The following FAM174A variants were observed in gnomAD, a reference collection of about 807,000 sequenced individuals.
FAM174A encodes the protein family with sequence similarity 174 member A, also known as membrane protein FAM174A.
In FAM174A, 14 loss-of-function variants were observed where a neutral mutation model predicts 14.3. The observed-to-expected ratio is 0.98, with a 90% confidence interval of 0.65 to 1.53. FAM174A has a LOEUF of 1.53. Ranked by LOEUF, FAM174A falls within the 40% of genes most tolerant of loss-of-function variation. The pLI is 0.00. For synonymous variants in FAM174A, 108 were observed against 111.4 expected, an observed-to-expected ratio of 0.97 and a Z score of 0.19; for missense variants, 241 against 249.6, an observed-to-expected ratio of 0.97 and a Z score of 0.23.
intron 1 of FAM174A, among the ~76,000 whole-genome samples, chr5:100,553,308 G>A (rs945950114): frequency 6.6e-6 from 1 of 151,974 alleles, no homozygotes; most frequent in African/African-American, 2.4e-5. Context: ...CTTAATGTTT[G>A]TTAGTATTTT....
intron 1 of FAM174A, among the ~76,000 whole-genome samples, chr5:100,559,744 T>C (rs1746484208): frequency 6.6e-6 from 1 of 152,174 alleles, no homozygotes; most frequent in African/African-American, 2.4e-5. Flanking sequence ...TCGCATTGGC[T>C]ACTGAGGCTT....
chr5:100,581,675 G>A (rs956712684), intron 2 of FAM174A, among the ~76,000 whole-genome samples: 3 of 152,126 alleles, frequency 2.0e-5, no homozygotes, highest in African/African-American at 7.2e-5. Flanking sequence ...TATTACATTT[G>A]GTCGTGGTTG....
At chr5:100,564,655 A>T (rs1364216099) in intron 2 of FAM174A, among the ~76,000 whole-genome samples, 1 of 151,830 alleles carries the variant, frequency 6.6e-6, no homozygotes, top group African/African-American at 2.4e-5. Flanking sequence ...AGCAAAAAAG[A>T]AAAGGCTCAA....
At chr5:100,541,840 C>T (rs868419388) in intron 1 of FAM174A, among the ~76,000 whole-genome samples, 1 of 152,106 alleles carries the variant, frequency 6.6e-6, no homozygotes, top group East Asian at 1.9e-4. Flanking sequence ...ATATTTTCCC[C>T]TTTTCTGTAG....
chr5:100,573,176 C>T (rs986048607), intron 2 of FAM174A, among the ~76,000 whole-genome samples: 17 of 151,924 alleles, frequency 1.1e-4, no homozygotes, highest in Admixed American at 1.3e-4. Context: ...GAGTAGGTTG[C>T]GAAAATTTTC....
At position 100,569,854 on chromosome 5, in the gene FAM174A, C is replaced by A. The variant is rs144500349; in HGVS notation, c.569+7666C>A. On this transcript the variant is annotated intron_variant, in intron 2 of 2. Coordinates refer to ENST00000312637, the MANE Select transcript of FAM174A (RefSeq NM_198507.3). ...TATATGGAGATATATATATATATAT[C>A]TCCACAGTGCAGAATGAAGGAGTCT... Among the ~76,000 whole-genome samples the A allele has an allele frequency of 3.8e-3, 578 of 151,352 alleles. 3 individuals carry two copies. The highest frequency in any genetic ancestry group is 0.013 in the African/African-American group (541 of 41,204).
At position 100,535,814 on chromosome 5, in the gene FAM174A, A is replaced by G. The variant is rs139597477; in HGVS notation, c.284A>G (p.Asp95Gly). Residue 95 changes from aspartate to glycine, a missense_variant, in exon 1 of 3, where the codon GAT becomes GGT. By Grantham distance (94) the Asp-to-Gly change is moderately conservative. Transcript: ENST00000312637. Reference protein sequence around the residue: ...SNPVAGLETDDHGGKAGEGSV... With the variant: ...SNPVAGLETDGHGGKAGEGSV... The stretch of plus-strand genomic sequence containing the variant: ...CCTGTGGCCGGGCTTGAGACGGACG[A>G]TCACGGAGGGAAGGCCGGGGAAGGC... 3.0e-3 allele frequency: 4,761 copies of G among 1,610,408 alleles called. 101 individuals carry two copies. The African/African-American group carries it at 0.047, about 16-fold the overall frequency.
chr5:100,554,612 T>C (rs1456433758), intron 1 of FAM174A, among the ~76,000 whole-genome samples: 1 of 151,376 alleles, frequency 6.6e-6, no homozygotes, highest in Non-Finnish European at 1.5e-5. Context: ...GCCTGGACTA[T>C]TTTTCTATTT....
chr5:100,559,505 TCC>T (rs1432150019), intron 1 of FAM174A, among the ~76,000 whole-genome samples: 1 of 151,168 alleles, frequency 6.6e-6, no homozygotes, highest in East Asian at 2.0e-4. Context: ...AACTTCCCTA[TCC>T]AGGGAAGTTC....
chr5:100,554,870 C>T (rs565154757), intron 1 of FAM174A, among the ~76,000 whole-genome samples: 1 of 152,036 alleles, frequency 6.6e-6, no homozygotes, highest in Admixed American at 6.6e-5. Context: ...CAGAGTGTGT[C>T]CTACAGAGCA....
chr5:100,581,617 G>A (rs1368235867), intron 2 of FAM174A, among the ~76,000 whole-genome samples: 2 of 152,166 alleles, frequency 1.3e-5, no homozygotes, highest in East Asian at 3.9e-4. Context: ...TTCTTGATAA[G>A]TTAAAAATAA....
intron 1 of FAM174A, among the ~76,000 whole-genome samples, chr5:100,546,622 T>C (rs991360343): frequency 1.3e-5 from 2 of 152,184 alleles, no homozygotes; most frequent in African/African-American, 4.8e-5. Context: ...GTAAAACAAA[T>C]TTCTATTGAG....
At position 100,584,965 on chromosome 5, in the gene FAM174A, A is replaced by G. The variant is rs116170130; in HGVS notation, c.570-1216A>G. Among the ~76,000 whole-genome samples, 936 of 152,192 alleles carry G rather than the reference A, an allele frequency of 6.2e-3. 14 individuals carry two copies. The highest frequency in any genetic ancestry group is 0.022 in the African/African-American group (902 of 41,508). On this transcript the variant is annotated intron_variant, in intron 2 of 2. Transcript: ENST00000312637. ...AGTGGCATTTTGTATGGGTGTCATCATGTTATTCAAGGTTTATGATATTGC... is the reference window on the plus strand; with the variant it reads ...AGTGGCATTTTGTATGGGTGTCATCGTGTTATTCAAGGTTTATGATATTGC...
intron 2 of FAM174A, among the ~76,000 whole-genome samples, chr5:100,569,732 G>A (rs181622405): frequency 1.3e-5 from 2 of 151,954 alleles, no homozygotes; most frequent in Non-Finnish European, 2.9e-5. Context: ...ATGTGCCCCA[G>A]GCACTCTACT....
chr5:100,562,150 T>G lies in FAM174A; in HGVS notation c.531T>G (p.Asp177Glu), dbSNP rs766092815. Residue 177 changes from aspartate (D) to glutamate (E), a missense_variant, in exon 2 of 3, where the codon GAT (aspartate) becomes GAG (glutamate). Transcript: ENST00000312637. Reference sequence around the variant, plus strand: ...CACCTTTAGAACAGGATGATGAGGATGATGACAACACGTTGTTTGATGCCA... The same window carrying G: ...CACCTTTAGAACAGGATGATGAGGAGGATGACAACACGTTGTTTGATGCCA... ...ELTPLEQDDE[D>E]DDNTLFDANH... The G allele has an allele frequency of 3.2e-6, 5 of 1,583,860 alleles. No homozygotes were observed. The Admixed American group carries it at 7.4e-5, about 23-fold the overall frequency.
Position 100,535,725 on chromosome 5 carries a change from G to T in FAM174A, c.195G>T (p.Gln65His). 6.2e-7 allele frequency: 1 copy of T among 1,604,902 alleles called. No homozygotes were observed. The highest frequency in any genetic ancestry group is 8.5e-7 in the Non-Finnish European group (1 of 1,177,216). Residue 65 changes from glutamine to histidine, a missense_variant, in exon 1 of 3, where the codon CAG becomes CAT. Coordinates refer to ENST00000312637, the MANE Select transcript of FAM174A (RefSeq NM_198507.3). ...CACCGGGCCCTACCCCTGCCCAGCAGCCGGGCCGTGGTCTGGCTGAAGCTG... is the reference window on the plus strand; with the variant it reads ...CACCGGGCCCTACCCCTGCCCAGCATCCGGGCCGTGGTCTGGCTGAAGCTG... ...PLPPGPTPAQ[Q>H]PGRGLAEAAG...
chr5:100,582,474 GTTTTT>G (rs141863119), intron 2 of FAM174A, among the ~76,000 whole-genome samples: 1 of 143,590 alleles, frequency 7.0e-6, no homozygotes, highest in East Asian at 2.0e-4. Context: ...TGCACATTTT[GTTTTT>G]TTTTTTAATT....
chr5:100,542,846 A>G (rs9327184), intron 1 of FAM174A, among the ~76,000 whole-genome samples: 27,055 of 150,256 alleles, frequency 0.18, 3,072 homozygotes, highest in Admixed American at 0.31. Context: ...ATATATATAT[A>G]TGTGTGTGTG....
At chr5:100,549,972 A>G (rs1383919788) in intron 1 of FAM174A, among the ~76,000 whole-genome samples, 1 of 152,132 alleles carries the variant, frequency 6.6e-6, no homozygotes, top group African/African-American at 2.4e-5. Context: ...TTAGCATTGA[A>G]TACAGTTCTA....
Sources: allele counts gnomAD v4.1 joint callset (sites outside exome capture counted in the v4.1 genomes callset), GRCh38; gene constraint gnomAD v4.1.1; transcripts MANE v1.5; gene names NCBI Gene and HGNC (gene_info 2026-07-23, HGNC 2026-07-21).